The following ALG9 variants were observed in gnomAD, a reference collection of about 807,000 sequenced individuals.
ALG9 encodes alpha-1,2-mannosyltransferase ALG9.
ALG9 carries 55 observed loss-of-function variants against 81.8 expected under a neutral mutation model. That is an observed-to-expected ratio of 0.67 (90% CI 0.54 to 0.84). The LOEUF is 0.84. ALG9 is among the 40% of genes least tolerant of loss of function. The pLI is 0.00. For missense variants in ALG9, 629 were observed against 745.0 expected, an observed-to-expected ratio of 0.84 and a Z score of 1.81; for synonymous variants, 278 against 274.3, an observed-to-expected ratio of 1.01 and a Z score of -0.13.
chr11:111,814,840 C>T (rs2136484773), intron 13 of ALG9: 2 of 152,290 alleles, frequency 1.3e-5, no homozygotes, highest in Middle Eastern at 6.8e-3. Context: ...TGAACACCCA[C>T]TCTGTATCTC....
At chr11:111,795,828 G>A (rs782071250) in intron 14 of ALG9, among the ~76,000 whole-genome samples, 10 of 152,192 alleles carry the variant, frequency 6.6e-5, no homozygotes, top group Non-Finnish European at 1.2e-4. Context: ...GGGGAAAAAT[G>A]CTATTAGGCA....
chr11:111,840,355 C>T (rs569110392), intron 10 of ALG9, among the ~76,000 whole-genome samples: 1 of 152,240 alleles, frequency 6.6e-6, no homozygotes, highest in South Asian at 2.1e-4. Context: ...TCTAGCAGTT[C>T]AAAGAGCAGA....
intron 8 of ALG9, among the ~76,000 whole-genome samples, chr11:111,845,979 T>C (rs1555129289): frequency 1.3e-5 from 2 of 152,210 alleles, no homozygotes; most frequent in Non-Finnish European, 2.9e-5. Context: ...AATACAATGA[T>C]AGAGAATATT....
At chr11:111,829,530 C>T (rs1291701768) in intron 13 of ALG9, among the ~76,000 whole-genome samples, 2 of 152,176 alleles carry the variant, frequency 1.3e-5, no homozygotes, top group African/African-American at 2.4e-5. Flanking sequence ...ATCAATATCA[C>T]ATTGTTTACA....
At chr11:111,835,755 T>A (rs1555116871) in intron 13 of ALG9, among the ~76,000 whole-genome samples, 4 of 152,104 alleles carry the variant, frequency 2.6e-5, no homozygotes, top group Non-Finnish European at 5.9e-5. Flanking sequence ...CTAAAAAATA[T>A]CCGGTTTTTT....
At chr11:111,851,352 G>T (rs547910207) in intron 8 of ALG9, among the ~76,000 whole-genome samples, 1 of 151,888 alleles carries the variant, frequency 6.6e-6, no homozygotes, top group East Asian at 1.9e-4. Context: ...GGTGGCGGGC[G>T]CCTATAATTC....
At chr11:111,773,034 C>T in the ALG9 span, among the ~76,000 whole-genome samples, 1 of 151,256 alleles carries the variant, frequency 6.6e-6, no homozygotes. Flanking sequence ...GTCAGGAGAT[C>T]GAGACCATCC....
intron 8 of ALG9, among the ~76,000 whole-genome samples, chr11:111,851,299 C>T (rs1465234755): frequency 6.6e-6 from 1 of 151,896 alleles, no homozygotes; most frequent in Non-Finnish European, 1.5e-5. Flanking sequence ...GCCAACATGT[C>T]GAAACCCCGT....
At position 111,853,488 on chromosome 11, in the gene ALG9, A is replaced by G. The variant is rs782566633; in HGVS notation, c.790-3T>C. ...CTGTCAATGACCACCACAGGCACCTAAAACAGAGCAGAAAATAGTTTTGAT... is the reference window on the plus strand; with the variant it reads ...CTGTCAATGACCACCACAGGCACCTGAAACAGAGCAGAAAATAGTTTTGAT... On this transcript the variant is annotated splice_region_variant and splice_polypyrimidine_tract_variant and intron_variant, in intron 7 of 14. Transcript: ENST00000616540. 1 of 1,611,478 alleles carries G rather than the reference A, an allele frequency of 6.2e-7. No individual in the cohort carries two copies. Among genetic ancestry groups the G allele is most frequent in the South Asian group, 1.1e-5 (1 of 90,996 alleles).
intron 13 of ALG9, among the ~76,000 whole-genome samples, chr11:111,813,946 AC>A (rs1363980826): frequency 1.3e-5 from 2 of 152,174 alleles, no homozygotes; most frequent in African/African-American, 4.8e-5. Flanking sequence ...TAACAATTCT[AC>A]CCCTAATTAT....
intron 13 of ALG9, 119 bp downstream of exon 13, chr11:111,836,046 G>A: frequency 1.5e-6 from 2 of 1,364,914 alleles, no homozygotes; most frequent in South Asian, 1.2e-5. Context: ...ACAGCACCCG[G>A]CCTTAAAAAA....
At chr11:111,821,081 G>A (rs1555103158) in intron 13 of ALG9, among the ~76,000 whole-genome samples, 2 of 152,168 alleles carry the variant, frequency 1.3e-5, no homozygotes, top group African/African-American at 4.8e-5. Flanking sequence ...GGGCAAGAGT[G>A]CGAGACCTTG....
intron 5 of ALG9, 57 bp from the exon 6 acceptor site, chr11:111,857,794 G>A (rs1958941107): frequency 1.3e-6 from 2 of 1,597,122 alleles, no homozygotes; most frequent in African/African-American, 1.3e-5. Context: ...GGTTAATTAG[G>A]TATCAATTAA....
At chr11:111,862,239 CT>C (rs782528613) in intron 4 of ALG9, among the ~76,000 whole-genome samples, 279 of 131,332 alleles carry the variant, frequency 2.1e-3, no homozygotes, top group South Asian at 4.4e-3. Context: ...TCTTTTTTTT[CT>C]TTTTTTTTTT....
At chr11:111,805,461 GA>G (rs1949782587) in intron 14 of ALG9, 1 of 389,150 alleles carries the variant, frequency 2.6e-6, no homozygotes, top group South Asian at 1.9e-5. Flanking sequence ...CCAGACAATG[GA>G]ATATTATTCA....
At chr11:111,859,385 C>G (rs1959210722) in intron 5 of ALG9, among the ~76,000 whole-genome samples, 1 of 151,852 alleles carries the variant, frequency 6.6e-6, no homozygotes, top group South Asian at 2.1e-4. Flanking sequence ...GCCTGTAATC[C>G]CAGCTACTCA....
intron 6 of ALG9, among the ~76,000 whole-genome samples, chr11:111,856,139 T>C (rs1236912922): frequency 6.6e-6 from 1 of 151,504 alleles, no homozygotes; most frequent in Non-Finnish European, 1.5e-5. Flanking sequence ...TAGCTGGGCG[T>C]GGTGGCATGT....
At chr11:111,836,388 C>T in intron 12 of ALG9, 94 bp from the exon 13 acceptor site, 1 of 1,525,864 alleles carries the variant, frequency 6.6e-7, no homozygotes. Context: ...ATGTGAAAAA[C>T]ATTTCTCTTG....
chr11:111,848,177 G>C (rs1957198665), intron 8 of ALG9, among the ~76,000 whole-genome samples: 1 of 152,110 alleles, frequency 6.6e-6, no homozygotes, highest in African/African-American at 2.4e-5. Context: ...CTGTCTCAGA[G>C]TGTTTTGAGT....
Sources: gnomAD v4.1 joint callset for allele counts (sites outside exome capture counted in the v4.1 genomes callset) on GRCh38, gnomAD v4.1.1 for gene constraint, MANE v1.5 for transcripts, NCBI Gene and HGNC (gene_info 2026-07-23, HGNC 2026-07-21) for gene names.